DCT: variants seen among roughly 807,000 people sequenced by gnomAD.
DCT encodes the protein dopachrome tautomerase, also known as L-dopachrome tautomerase.
In DCT, 47 loss-of-function variants were observed where a neutral mutation model predicts 53.0. That is an observed-to-expected ratio of 0.89 (90% confidence interval 0.70 to 1.13). The LOEUF is 1.13. Ranked by LOEUF, DCT falls within the 50% of genes most tolerant of loss-of-function variation. The pLI, the probability that DCT is intolerant of heterozygous loss-of-function variation, is 0.00. For missense variants in DCT, 669 were observed against 637.4 expected (o/e 1.05, Z -0.53); for synonymous variants, 244 against 237.0 (o/e 1.03, Z -0.27).
chr13:94,461,819 T>C (rs892043679), intron 5 of DCT, among the ~76,000 whole-genome samples, 191 bp downstream of exon 5: 2 of 152,138 alleles, frequency 1.3e-5, no homozygotes, highest in Admixed American at 6.5e-5. Context: ...TAAAACCACA[T>C]TGTTAGTCAT....
the DCT span, among the ~76,000 whole-genome samples, chr13:94,488,813 A>G: frequency 0.53 from 79,915 of 150,768 alleles, 21,289 homozygotes; most frequent in Middle Eastern, 0.61. Flanking sequence ...ACACATACAT[A>G]CACACACCAT....
At chr13:94,524,723 C>T in the DCT span, among the ~76,000 whole-genome samples, 1 of 151,548 alleles carries the variant, frequency 6.6e-6, no homozygotes, top group Non-Finnish European at 1.5e-5. Context: ...GTTTTGTTGT[C>T]GGTTGAATTG....
At chr13:94,500,349 G>A in the DCT span, among the ~76,000 whole-genome samples, 1 of 152,162 alleles carries the variant, frequency 6.6e-6, no homozygotes, top group African/African-American at 2.4e-5. Flanking sequence ...AACAACAGGG[G>A]GAGCCCCTTA....
chr13:94,524,352 G>A, the DCT span, among the ~76,000 whole-genome samples: 1 of 152,352 alleles, frequency 6.6e-6, no homozygotes, highest in African/African-American at 2.4e-5. Context: ...GTCTGCTCAG[G>A]ATGGGGAGAT....
Position 94,462,398 on chromosome 13 carries a change from G to T in DCT, c.864-209C>A, listed in dbSNP as rs543728850. The stretch of plus-strand genomic sequence containing the variant: ...GCCTGTTGTCCCAGCTACTCAGGAG[G>T]CTAAGGCAGGAGAATCGCTTGAACC... On this transcript the variant is annotated intron_variant, in intron 4 of 7. Transcript: ENST00000377028. 2.5e-4 allele frequency among the ~76,000 whole-genome samples: 38 copies of T among 151,856 alleles called. No individual in the cohort carries two copies. In the Middle Eastern group the frequency reaches 0.01, roughly 41 times the overall value.
At chr13:94,473,448 A>G (rs979797118) in intron 1 of DCT, among the ~76,000 whole-genome samples, 1 of 152,198 alleles carries the variant, frequency 6.6e-6, no homozygotes, top group Non-Finnish European at 1.5e-5. Flanking sequence ...TTTTCAACTT[A>G]TGATGGATTA....
the DCT span, among the ~76,000 whole-genome samples, chr13:94,538,884 C>A: frequency 6.6e-6 from 1 of 152,116 alleles, no homozygotes; most frequent in Non-Finnish European, 1.5e-5. Flanking sequence ...TCTATCTGTG[C>A]GGTTTGGCTC....
chr13:94,475,139 T>C (rs1480507387), intron 1 of DCT, among the ~76,000 whole-genome samples: 1 of 152,124 alleles, frequency 6.6e-6, no homozygotes, highest in Non-Finnish European at 1.5e-5. Context: ...ACTTACTCTT[T>C]GGGGAATAAT....
chr13:94,465,866 G>A, intron 3 of DCT, 67 bp from the exon 4 acceptor site: 2 of 1,390,240 alleles, frequency 1.4e-6, no homozygotes, highest in Non-Finnish European at 2.0e-6. Context: ...AGCATACAAG[G>A]CAAAGGCTGA....
chr13:94,449,171 C>T (rs1248724527), intron 6 of DCT, among the ~76,000 whole-genome samples: 1 of 151,618 alleles, frequency 6.6e-6, no homozygotes, highest in African/African-American at 2.4e-5. Flanking sequence ...AAAGATTTTT[C>T]ATGTAACCCA....
At chr13:94,476,890 C>A (rs576443277) in intron 1 of DCT, among the ~76,000 whole-genome samples, 1 of 152,192 alleles carries the variant, frequency 6.6e-6, no homozygotes, top group East Asian at 1.9e-4. Flanking sequence ...GCTCCTCATT[C>A]GTCTAAAACA....
chr13:94,445,150 A>G (rs1882635710), intron 6 of DCT, among the ~76,000 whole-genome samples: 1 of 152,254 alleles, frequency 6.6e-6, no homozygotes, highest in Non-Finnish European at 1.5e-5. Context: ...TTTCCAAAGA[A>G]GGCCACACAA....
chr13:94,492,009 T>C, the DCT span, among the ~76,000 whole-genome samples: 16 of 152,288 alleles, frequency 1.1e-4, no homozygotes, highest in African/African-American at 3.8e-4. Flanking sequence ...AGCATCCTGA[T>C]TCATAGTGCA....
chr13:94,521,468 C>T, the DCT span, among the ~76,000 whole-genome samples: 476 of 152,294 alleles, frequency 3.1e-3, 2 homozygotes, highest in African/African-American at 0.011. Context: ...GTCAGGAGTT[C>T]GAGACCAGCC....
At chr13:94,449,146 A>C (rs892259311) in intron 6 of DCT, among the ~76,000 whole-genome samples, 29 of 152,116 alleles carry the variant, frequency 1.9e-4, no homozygotes, top group African/African-American at 7.0e-4. Context: ...ATGTGATTAC[A>C]TGGGCTTTCA....
At chr13:94,453,961 T>A (rs2139306035) in intron 6 of DCT, among the ~76,000 whole-genome samples, 1 of 152,294 alleles carries the variant, frequency 6.6e-6, no homozygotes, top group African/African-American at 2.4e-5. Context: ...TCACTCTAAC[T>A]CAGAATTATT....
At chr13:94,498,861 G>A in the DCT span, among the ~76,000 whole-genome samples, 1 of 152,154 alleles carries the variant, frequency 6.6e-6, no homozygotes, top group Non-Finnish European at 1.5e-5. Context: ...CTAGCTAAAG[G>A]ATTGTAAATG....
chr13:94,453,421 T>C (rs1227356451), intron 6 of DCT, among the ~76,000 whole-genome samples: 1 of 152,180 alleles, frequency 6.6e-6, no homozygotes, highest in Admixed American at 6.5e-5. Flanking sequence ...ATAAAAATCA[T>C]AAACCAATAA....
the DCT span, among the ~76,000 whole-genome samples, chr13:94,534,679 C>T: frequency 6.6e-6 from 1 of 152,228 alleles, no homozygotes; most frequent in Non-Finnish European, 1.5e-5. Flanking sequence ...AGTTTCTGCT[C>T]TACTGCCATC....
Sources: allele counts gnomAD v4.1 joint callset (sites outside exome capture counted in the v4.1 genomes callset), GRCh38; gene constraint gnomAD v4.1.1; transcripts MANE v1.5; gene names NCBI Gene and HGNC (gene_info 2026-07-23, HGNC 2026-07-21).